CDH8: variants seen among roughly 807,000 people sequenced by gnomAD.
CDH8 encodes the protein cadherin 8, also known as cadherin-8.
Under a neutral mutation model 68.1 loss-of-function variants are expected in CDH8, and 17 were observed. That is an observed-to-expected ratio of 0.25 (90% confidence interval 0.17 to 0.37). CDH8 has a LOEUF of 0.37. Ranked by LOEUF, CDH8 falls within the 10% of genes least tolerant of loss-of-function variation. The pLI is 1.00. For synonymous variants in CDH8, 372 were observed against 365.1 expected, an observed-to-expected ratio of 1.02 and a Z score of -0.21; for missense variants, 763 against 999.3, an observed-to-expected ratio of 0.76 and a Z score of 3.19.
chr16:61,801,905 G>T (rs1961651679), intron 7 of CDH8, among the ~76,000 whole-genome samples: 1 of 149,694 alleles, frequency 6.7e-6, no homozygotes. Context: ...GCCCGCCATT[G>T]CCCAGGCTTG....
Position 61,779,425 on chromosome 16 carries a change from ATG to A in CDH8, c.1414+9919_1414+9920del, listed in dbSNP as rs10539934. On this transcript the variant is annotated intron_variant, in intron 8 of 11. Transcript: ENST00000577390. ...TATTGTCAAATTTTAATGTTCGTTT[ATG>A]TGTGTGTGTGTGTGTGTGTGTGTGT... is the stretch of plus-strand genomic sequence containing the variant. Among the ~76,000 whole-genome samples the A allele has an allele frequency of 9.8e-3, 1,368 of 139,074 alleles. 17 individuals are homozygous for A. Among genetic ancestry groups the A allele is most frequent in the South Asian group, 0.017 (70 of 4,142 alleles). The allele number at this position is 139,074 out of a possible 152,430, so 91.2% of individuals were successfully genotyped here.
chr16:61,724,077 G>A (rs1959271519), intron 9 of CDH8, among the ~76,000 whole-genome samples: 1 of 150,580 alleles, frequency 6.6e-6, no homozygotes, highest in Non-Finnish European at 1.5e-5. Flanking sequence ...CTAATCAAAT[G>A]TGATTCAGGT....
chr16:61,727,013 T>G, intron 9 of CDH8, 81 bp downstream of exon 9: 1 of 1,417,662 alleles, frequency 7.1e-7, no homozygotes, highest in Non-Finnish European at 9.9e-7. Flanking sequence ...ATGATGCAAA[T>G]GCACAATATA....
chr16:61,768,314 T>TTCTCTCTCTCTC (rs1206629963), intron 8 of CDH8, among the ~76,000 whole-genome samples: 11 of 17,200 alleles, frequency 6.4e-4, no homozygotes, highest in East Asian at 2.6e-3. Flanking sequence ...GTCTCTCCCT[T>TTCTCTCTCTCTC]TCTCTCTCTC....
chr16:61,908,752 C>A (rs1332091694), intron 2 of CDH8, among the ~76,000 whole-genome samples: 1 of 152,270 alleles, frequency 6.6e-6, no homozygotes. Flanking sequence ...CTTACTGCTA[C>A]AGTCAATCTA....
At chr16:61,820,466 A>T (rs79975936) in intron 6 of CDH8, among the ~76,000 whole-genome samples, 1 of 151,966 alleles carries the variant, frequency 6.6e-6, no homozygotes, top group East Asian at 1.9e-4. Flanking sequence ...AAAGCCACTG[A>T]ACTTGTCACC....
intron 3 of CDH8, among the ~76,000 whole-genome samples, chr16:61,873,841 T>A (rs11075442): frequency 0.54 from 82,101 of 151,976 alleles, 24,584 homozygotes; most frequent in African/African-American, 0.82. Context: ...GGATCACCTG[T>A]GGTCAGGAGT....
At chr16:61,796,156 A>G (rs1422309368) in intron 7 of CDH8, among the ~76,000 whole-genome samples, 1 of 152,008 alleles carries the variant, frequency 6.6e-6, no homozygotes, top group Non-Finnish European at 1.5e-5. Flanking sequence ...AGAGAAAAAG[A>G]GAAATAAAAA....
At chr16:61,770,411 C>T (rs1009687269) in intron 8 of CDH8, among the ~76,000 whole-genome samples, 2 of 151,868 alleles carry the variant, frequency 1.3e-5, no homozygotes, top group African/African-American at 4.8e-5. Context: ...ACAGCTTCTC[C>T]AGCCATTCTT....
intron 10 of CDH8, among the ~76,000 whole-genome samples, chr16:61,681,171 G>A (rs1157416466): frequency 6.6e-6 from 1 of 151,742 alleles, no homozygotes; most frequent in African/African-American, 2.4e-5. Context: ...ATTTCACTCT[G>A]AGCTATCTAT....
At chr16:61,669,231 C>G (rs1315573779) in intron 10 of CDH8, among the ~76,000 whole-genome samples, 1 of 152,052 alleles carries the variant, frequency 6.6e-6, no homozygotes, top group Admixed American at 6.6e-5. Context: ...TTGCCATCAG[C>G]TATACCTCCA....
At chr16:61,702,141 G>A (rs1964441754) in intron 10 of CDH8, among the ~76,000 whole-genome samples, 2 of 152,170 alleles carry the variant, frequency 1.3e-5, no homozygotes, top group South Asian at 2.1e-4. Flanking sequence ...GAGAGGCCGA[G>A]GCAGGCGGAT....
intron 2 of CDH8, among the ~76,000 whole-genome samples, chr16:61,905,797 G>A (rs1190922054): frequency 6.6e-6 from 1 of 152,102 alleles, no homozygotes; most frequent in Non-Finnish European, 1.5e-5. Context: ...TAAAACTTCA[G>A]GGGCAGGAGA....
intron 1 of CDH8, among the ~76,000 whole-genome samples, chr16:62,032,390 C>T (rs1902348450): frequency 6.6e-6 from 1 of 152,008 alleles, no homozygotes; most frequent in Admixed American, 6.6e-5. Context: ...CAAGAATTAT[C>T]ATTGGTTTAT....
Position 61,820,952 on chromosome 16 carries a change from G to C in CDH8, c.997C>G (p.Gln333Glu), listed in dbSNP as rs1284030303. 1 of 1,611,992 alleles carries C rather than the reference G, an allele frequency of 6.2e-7. No homozygotes were observed. The highest frequency in any genetic ancestry group is 8.5e-7 in the Non-Finnish European group (1 of 1,178,768). The change falls in exon 6 of 12, where the codon CAG (glutamine) becomes GAG (glutamate). Residue 333 changes from glutamine (Q) to glutamate (E), a missense_variant. This residue lies in a region of CDH8 where 366 missense variants were observed against 563.1 expected (regional missense o/e 0.65). Transcript: ENST00000577390. Reference sequence around the variant, plus strand: ...TTTCTTAGCCTTATAATGCCATCCTGGGCCTGGGCATCAGAAGTGATTTCA... The same window carrying C: ...TTTCTTAGCCTTATAATGCCATCCTCGGCCTGGGCATCAGAAGTGATTTCA... ...LFEITSDAQAQDGIIRLRKPL... is the reference protein window; with the variant it reads ...LFEITSDAQAEDGIIRLRKPL...
At chr16:62,035,544 G>T (rs1208662313) in intron 1 of CDH8, among the ~76,000 whole-genome samples, 1 of 152,188 alleles carries the variant, frequency 6.6e-6, no homozygotes, top group East Asian at 1.9e-4. Flanking sequence ...CTGAGCCTTG[G>T]CCCGCAGCCC....
chr16:61,961,892 C>G (rs983255158), intron 2 of CDH8, among the ~76,000 whole-genome samples: 8 of 152,200 alleles, frequency 5.3e-5, no homozygotes, highest in African/African-American at 1.4e-4. Context: ...ATTCTCCACA[C>G]AGTGGAAAAT....
intron 8 of CDH8, among the ~76,000 whole-genome samples, chr16:61,750,993 A>T (rs1960143827): frequency 6.6e-6 from 1 of 152,116 alleles, no homozygotes. Context: ...TCATTTCATC[A>T]CATGAATAAC....
chr16:61,693,146 A>G lies in CDH8; in HGVS notation c.1654+20695T>C, dbSNP rs1198312892. On this transcript the variant is annotated intron_variant, in intron 10 of 11. Coordinates refer to ENST00000577390, the MANE Select transcript of CDH8 (RefSeq NM_001796.5). ...AAAAATTACTAATTTTATCATCATA[A>G]TTTAATGGAATTTAAAAAATAGGGC... is the stretch of plus-strand genomic sequence containing the variant. 2.0e-5 allele frequency: 3 copies of G among 152,168 alleles called. No homozygotes were observed. In the East Asian group the frequency reaches 5.8e-4, roughly 29 times the overall value. 9.4% of individuals were successfully genotyped at this position (152,168 alleles called of 1,614,324 possible).
Sources: gnomAD v4.1 joint callset for allele counts (sites outside exome capture counted in the v4.1 genomes callset) on GRCh38, gnomAD v4.1.1 for gene constraint, gnomAD v4.1.1 regional missense constraint, MANE v1.5 for transcripts, NCBI Gene and HGNC (gene_info 2026-07-23, HGNC 2026-07-21) for gene names.